Variants in PATL1 observed in about 807,000 individuals in gnomAD.
PATL1 encodes protein PAT1 homolog 1.
PATL1 carries 32 observed loss-of-function variants against 100.6 expected under a neutral mutation model. The ratio of observed to expected loss-of-function variants is 0.32; its 90% CI spans 0.24 to 0.43. The LOEUF (loss-of-function observed/expected upper bound fraction) is 0.43. PATL1 is among the 20% of genes least tolerant of loss of function. The pLI, the probability that PATL1 is intolerant of heterozygous loss-of-function variation, is 1.00. For synonymous variants in PATL1, 332 were observed against 330.0 expected, an observed-to-expected ratio of 1.01 and a Z score of -0.07; for missense variants, 747 against 949.9, an observed-to-expected ratio of 0.79 and a Z score of 2.81.
intron 14 of PATL1, among the ~76,000 whole-genome samples, chr11:59,649,039 G>C (rs929644436): frequency 1.3e-5 from 2 of 152,204 alleles, no homozygotes; most frequent in Non-Finnish European, 2.9e-5. Flanking sequence ...GTTTCGATAG[G>C]ATATAAATAT....
intron 2 of PATL1, among the ~76,000 whole-genome samples, chr11:59,662,086 G>A (rs1033518281): frequency 2.6e-5 from 4 of 152,014 alleles, no homozygotes; most frequent in Admixed American, 6.6e-5. Flanking sequence ...ATCATACAAC[G>A]ATGTATCACA....
chr11:59,659,760 A>T (rs1488534985), intron 2 of PATL1, among the ~76,000 whole-genome samples: 2 of 151,900 alleles, frequency 1.3e-5, no homozygotes, highest in South Asian at 2.1e-4. Flanking sequence ...GGCTGGTCTC[A>T]AACTCCCGAC....
intron 15 of PATL1, among the ~76,000 whole-genome samples, chr11:59,644,143 CATA>C (rs1268945670): frequency 3.9e-5 from 6 of 152,234 alleles, no homozygotes; most frequent in South Asian, 4.1e-4. Context: ...CAAACAACAG[CATA>C]ATGACATTCA....
chr11:59,653,663 G>A (rs1861479563), intron 9 of PATL1, among the ~76,000 whole-genome samples: 1 of 152,120 alleles, frequency 6.6e-6, no homozygotes, highest in African/African-American at 2.4e-5. Context: ...CTTCATAGAG[G>A]AACCACTATT....
At chr11:59,657,447 C>G in intron 5 of PATL1, 83 bp downstream of exon 5, 1 of 1,295,876 alleles carries the variant, frequency 7.7e-7, no homozygotes, top group Admixed American at 2.5e-5. Flanking sequence ...AATTTCCACC[C>G]TCCACCCAAC....
intron 3 of PATL1, 48 bp from the exon 4 acceptor site, chr11:59,658,994 T>C: frequency 1.4e-6 from 2 of 1,464,786 alleles, no homozygotes; most frequent in Non-Finnish European, 1.8e-6. Context: ...GTATACTCTC[T>C]GGGTGACTTA....
chr11:59,657,563 A>C lies in PATL1; in HGVS notation c.588T>G (p.Pro196=), dbSNP rs1861553478. The change falls in exon 5 of 19, where the codon CCT becomes CCG. Residue 196 remains proline, a synonymous_variant. Transcript: ENST00000300146. The part of the protein sequence containing the change: ...PVRAVPIGTP[P]KQMAVPSFTQ... ...TGAAGCTGGGTACAGCCATCTGTTT[A>C]GGTGGGGTGCCTATGGGGACAGCTC... 6.2e-7 allele frequency: 1 copy of C among 1,611,690 alleles called. No individual in the cohort carries two copies. Among genetic ancestry groups the C allele is most frequent in the Non-Finnish European group, 8.5e-7 (1 of 1,179,570 alleles).
chr11:59,668,381 G>A (rs2134767222), intron 1 of PATL1, among the ~76,000 whole-genome samples: 1 of 152,260 alleles, frequency 6.6e-6, no homozygotes, highest in African/African-American at 2.4e-5. Flanking sequence ...TAAACGGGCT[G>A]GGGCCCTAAT....
chr11:59,651,466 G>C, intron 12 of PATL1, 78 bp downstream of exon 12: 2 of 1,131,662 alleles, frequency 1.8e-6, no homozygotes, highest in Non-Finnish European at 2.6e-6. Context: ...TACCATGCCT[G>C]ATCTCATTCC....
chr11:59,652,378 C>T, intron 11 of PATL1, 86 bp downstream of exon 11: 1 of 1,469,976 alleles, frequency 6.8e-7, no homozygotes, highest in Non-Finnish European at 9.1e-7. Flanking sequence ...GCATATCCTT[C>T]CACATATACA....
In PATL1 at chr11:59,647,832, G is replaced by A. The variant is rs371889717; in HGVS notation, c.1815C>T (p.Ser605=). Residue 605 remains serine, a synonymous_variant, in exon 15 of 19, where the codon TCC becomes TCT. Transcript: ENST00000300146. ...RMVARILPFL[S]TEQAADILMT... is the part of the protein sequence containing the mutation. ...TGAGAATGTCAGCTGCTTGCTCTGT[G>A]GAGAGGAAAGGAAGAATACGGGCAA... 3 of 1,613,866 alleles carry A rather than the reference G, an allele frequency of 1.9e-6. No individual in the cohort carries two copies. Among genetic ancestry groups the A allele is most frequent in the Non-Finnish European group, 2.5e-6 (3 of 1,179,788 alleles).
chr11:59,660,242 G>C (rs117932599), intron 2 of PATL1, among the ~76,000 whole-genome samples: 1 of 152,188 alleles, frequency 6.6e-6, no homozygotes, highest in Non-Finnish European at 1.5e-5. Context: ...TTAATATTTG[G>C]TAAGCATCTA....
intron 15 of PATL1, among the ~76,000 whole-genome samples, chr11:59,646,789 A>T (rs1861371081): frequency 6.6e-6 from 1 of 152,194 alleles, no homozygotes; most frequent in Non-Finnish European, 1.5e-5. Flanking sequence ...TCTTAAGACT[A>T]TTCTAAATTT....
At position 59,659,277 on chromosome 11, in the gene PATL1, G is replaced by A. The variant is rs1327334190; in HGVS notation, c.320C>T (p.Ala107Val). 3 of 1,551,268 alleles carry A rather than the reference G, an allele frequency of 1.9e-6. No homozygotes were observed. In the African/African-American group the frequency reaches 4.1e-5, roughly 21 times the overall value. ...TTGTAAAACTGGCCTGGTCTGCACT[G>A]CCCTCATAATAGCTGGATCTTCTAG... ...NELEDPAIMR[A>V]VQTRPVLQPQ... Residue 107 changes from alanine (A) to valine (V), a missense_variant, in exon 3 of 19, where the codon GCA becomes GTA. Physicochemically the swap from Ala to Val is moderately conservative, Grantham distance 64 (BLOSUM62 0). Transcript: ENST00000300146.
intron 12 of PATL1, 63 bp from the exon 13 acceptor site, chr11:59,650,876 C>T (rs748191445): frequency 3.0e-5 from 35 of 1,161,208 alleles, no homozygotes; most frequent in Non-Finnish European, 3.7e-5. Context: ...TTACCAAGTG[C>T]GCATTTGTAG....
At chr11:59,667,975 G>C (rs1035333999) in intron 1 of PATL1, among the ~76,000 whole-genome samples, 2 of 152,170 alleles carry the variant, frequency 1.3e-5, no homozygotes, top group African/African-American at 4.8e-5. Context: ...TAGCTACCCT[G>C]TTTACAATGG....
At chr11:59,659,644 C>T (rs1008032072) in intron 2 of PATL1, among the ~76,000 whole-genome samples, 175 bp from the exon 3 acceptor site, 1 of 152,020 alleles carries the variant, frequency 6.6e-6, no homozygotes, top group African/African-American at 2.4e-5. Flanking sequence ...CAATTCTCTG[C>T]GTCAGCCTCC....
chr11:59,656,410 G>A, intron 6 of PATL1, 89 bp downstream of exon 6: 1 of 1,100,188 alleles, frequency 9.1e-7, no homozygotes, highest in Non-Finnish European at 1.3e-6. Context: ...TTTAGGAGAT[G>A]TCAGCAAATC....
chr11:59,668,898 TTGGGGAGGGGGGCAGGGAGCGGGG>T lies in PATL1; in HGVS notation c.-27_-4del. Reference sequence around the variant, plus strand: ...CAGCTCACCTCGTAGCGGAACATTCTTGGGGAGGGGGGCAGGGAGCGGGGAGGGGAGAGGGGGAGGGAGGGAAGA... The same window carrying T: ...CAGCTCACCTCGTAGCGGAACATTCTAGGGGAGAGGGGGAGGGAGGGAAGA... On this transcript the variant is annotated 5_prime_UTR_variant, in exon 1 of 19. Transcript: ENST00000300146. The T allele has an allele frequency of 1.1e-6, 1 of 945,650 alleles. No homozygotes were observed. Among genetic ancestry groups the T allele is most frequent in the Non-Finnish European group, 1.5e-6 (1 of 684,190 alleles). The allele number at this position is 945,650 out of a possible 1,614,324, so 58.6% of individuals were successfully genotyped here.
Sources: allele counts gnomAD v4.1 joint callset (sites outside exome capture counted in the v4.1 genomes callset), GRCh38; gene constraint gnomAD v4.1.1; transcripts MANE v1.5; gene names NCBI Gene and HGNC (gene_info 2026-07-23, HGNC 2026-07-21).